NUP107: variants seen among roughly 807,000 people sequenced by gnomAD.
NUP107 encodes the protein nucleoporin 107, also known as nuclear pore complex protein Nup107.
Under a neutral mutation model 141.0 loss-of-function variants are expected in NUP107, and 101 were observed. The ratio of observed to expected loss-of-function variants is 0.72; its 90% CI spans 0.61 to 0.84. The LOEUF is 0.84. Among genes scored for constraint, NUP107 ranks in the 40% least tolerant of loss-of-function variants. The pLI is 0.00. For missense variants in NUP107, 941 were observed against 1,102.7 expected (o/e 0.85, Z 2.08); for synonymous variants, 319 against 363.9 (o/e 0.88, Z 1.41).
chr12:68,726,671 A>G lies in NUP107; in HGVS notation c.1695+54A>G, dbSNP rs1272179342. ...TCTGTAATGTTGATGCTATATACCT[A>G]TTGTCAAGAAAACACTACTTTTTTT... On this transcript the variant is annotated intron_variant, in intron 19 of 27. Transcript: ENST00000229179. 2.1e-5 allele frequency: 23 copies of G among 1,070,546 alleles called. No homozygotes were observed. The East Asian group carries it at 3.8e-4, about 18-fold the overall frequency. The allele number at this position is 1,070,546 out of a possible 1,614,324, so 66.3% of individuals were successfully genotyped here. A position where few individuals can be genotyped will look rare whatever the true frequency, so the allele number is the denominator to read the frequency against.
At chr12:68,741,421 A>G (rs1199146225) in intron 26 of NUP107, among the ~76,000 whole-genome samples, 1 of 152,158 alleles carries the variant, frequency 6.6e-6, no homozygotes, top group South Asian at 2.1e-4. Context: ...CCCTCCCCAC[A>G]TCGTCTTTTT....
intron 26 of NUP107, among the ~76,000 whole-genome samples, chr12:68,740,982 G>C (rs1878297845): frequency 6.6e-6 from 1 of 151,730 alleles, no homozygotes; most frequent in South Asian, 2.1e-4. Flanking sequence ...GGAGATCAAG[G>C]CTTCAGAGAG....
At chr12:68,733,973 T>C (rs1433556273) in intron 24 of NUP107, among the ~76,000 whole-genome samples, 2 of 152,162 alleles carry the variant, frequency 1.3e-5, no homozygotes, top group Non-Finnish European at 2.9e-5. Context: ...AGCATACTCA[T>C]TCAAAATTCA....
At chr12:68,738,048 TG>T (rs1299879176) in intron 26 of NUP107, among the ~76,000 whole-genome samples, 1 of 151,946 alleles carries the variant, frequency 6.6e-6, no homozygotes, top group Non-Finnish European at 1.5e-5. Flanking sequence ...AGGCCAAGGC[TG>T]GTGGATCAGA....
At chr12:68,707,371 G>A (rs1876641733) in intron 8 of NUP107, among the ~76,000 whole-genome samples, 1 of 152,212 alleles carries the variant, frequency 6.6e-6, no homozygotes, top group Non-Finnish European at 1.5e-5. Flanking sequence ...GGAGGTCAAG[G>A]TGGAAGGCTC....
intron 8 of NUP107, among the ~76,000 whole-genome samples, chr12:68,703,851 T>TC (rs1416153042): frequency 6.6e-6 from 1 of 152,228 alleles, no homozygotes; most frequent in Non-Finnish European, 1.5e-5. Flanking sequence ...TGTACTGTAA[T>TC]TTTTTGAGAC....
chr12:68,694,516 A>G (rs770687074), intron 5 of NUP107, among the ~76,000 whole-genome samples: 15 of 152,226 alleles, frequency 9.9e-5, no homozygotes, highest in East Asian at 1.9e-4. Context: ...TGCAAATCAT[A>G]TATCTGCTTA....
intron 15 of NUP107, among the ~76,000 whole-genome samples, 159 bp from the exon 16 acceptor site, chr12:68,721,682 T>C (rs887445072): frequency 4.6e-5 from 7 of 152,222 alleles, no homozygotes; most frequent in Middle Eastern, 3.2e-3. Flanking sequence ...GAAGATGTAG[T>C]TGGCGGAGGA....
chr12:68,719,298 G>A, intron 12 of NUP107, 43 bp from the exon 13 acceptor site: 2 of 1,443,904 alleles, frequency 1.4e-6, no homozygotes, highest in Non-Finnish European at 9.7e-7. Flanking sequence ...TTACTATAAA[G>A]CACCCTGGTT....
intron 12 of NUP107, 118 bp from the exon 13 acceptor site, chr12:68,719,223 T>G: frequency 2.8e-6 from 2 of 704,354 alleles, no homozygotes; most frequent in Non-Finnish European, 4.9e-6. Flanking sequence ...ATCCATCCCT[T>G]GTAATGGGAT....
At chr12:68,739,301 G>A (rs1426099111) in intron 26 of NUP107, among the ~76,000 whole-genome samples, 2 of 152,082 alleles carry the variant, frequency 1.3e-5, no homozygotes, top group African/African-American at 4.8e-5. Context: ...TTTGCTTTTT[G>A]TATGTCTACC....
rs373666468 is a variant in NUP107, at chr12:68,725,837, GT to G, written c.1576+58del. 4,461 of 616,620 alleles carry G rather than the reference GT, an allele frequency of 7.2e-3. 1 individual carries two copies. The highest frequency in any genetic ancestry group is 0.013 in the East Asian group (379 of 29,616). The allele number at this position is 616,620 out of a possible 1,614,324, so 38.2% of individuals were successfully genotyped here. The stretch of plus-strand genomic sequence containing the variant: ...ATTTTACTTTGTGTTTTTTGTGTGT[GT>G]TTTTTTTTTTTTTTTTGAGACAAAG... On this transcript the variant is annotated intron_variant, in intron 18 of 27. Coordinates refer to ENST00000229179, the MANE Select transcript of NUP107 (RefSeq NM_020401.4).
Position 68,722,090 on chromosome 12 carries a change from T to C in NUP107, c.1458-14T>C. ...ATTATTAACATTATTCTTTTCCCGTTGTTTCTTTTGAAGCTGGACGTTAGA... is the reference window on the plus strand; with the variant it reads ...ATTATTAACATTATTCTTTTCCCGTCGTTTCTTTTGAAGCTGGACGTTAGA... On this transcript the variant is annotated splice_polypyrimidine_tract_variant and intron_variant, in intron 16 of 27. Transcript: ENST00000229179. 1.2e-6 allele frequency: 2 copies of C among 1,612,558 alleles called. No individual in the cohort carries two copies. Among genetic ancestry groups the C allele is most frequent in the Admixed American group, 3.4e-5 (2 of 59,548 alleles).
chr12:68,729,680 T>TG (rs1412193945), intron 20 of NUP107, among the ~76,000 whole-genome samples: 28 of 151,968 alleles, frequency 1.8e-4, no homozygotes, highest in Non-Finnish European at 3.8e-4. Flanking sequence ...TGACCTCAGG[T>TG]GATCCAGCAG....
At chr12:68,711,555 A>G (rs931416062) in intron 10 of NUP107, among the ~76,000 whole-genome samples, 2 of 151,444 alleles carry the variant, frequency 1.3e-5, no homozygotes, top group Non-Finnish European at 2.9e-5. Flanking sequence ...AAAAAGGATT[A>G]GAATTAATGG....
At chr12:68,739,129 G>A (rs560709158) in intron 26 of NUP107, among the ~76,000 whole-genome samples, 3 of 152,126 alleles carry the variant, frequency 2.0e-5, no homozygotes, top group South Asian at 4.2e-4. Context: ...CTGCTCAAAT[G>A]TCATCTCTTT....
chr12:68,692,016 C>T lies in NUP107; in HGVS notation c.352C>T (p.Arg118Cys), dbSNP rs563617654. 9.4e-5 allele frequency: 151 copies of T among 1,606,916 alleles called. 1 individual carries two copies. The Admixed American group carries it at 1.7e-3, about 18-fold the overall frequency. ...CTGGGCAGCTGCATTTTCATCACAG[C>T]GTTCCGGGCTGTTCACAAACACAGA... ...SNWAAAFSSQRSGLFTNTEPH... is the reference protein window; with the variant it reads ...SNWAAAFSSQCSGLFTNTEPH... The change falls in exon 5 of 28, where the codon CGT becomes TGT. Residue 118 changes from arginine (R) to cysteine (C), a missense_variant. Arg to Cys is a radical substitution (Grantham distance 180, BLOSUM62 -3). Transcript: ENST00000229179.
At chr12:68,731,308 T>G (rs1443012853) in intron 21 of NUP107, 48 bp downstream of exon 21, 4 of 1,533,762 alleles carry the variant, frequency 2.6e-6, no homozygotes, top group Non-Finnish European at 3.5e-6. Flanking sequence ...AGGCAAATGT[T>G]CATTTTGGCT....
At chr12:68,691,301 T>G (rs1188015789) in intron 4 of NUP107, among the ~76,000 whole-genome samples, 1 of 152,186 alleles carries the variant, frequency 6.6e-6, no homozygotes, top group African/African-American at 2.4e-5. Flanking sequence ...CATGCTGTGG[T>G]TGGTTGCTGA....
Sources: gnomAD v4.1 joint callset for allele counts (sites outside exome capture counted in the v4.1 genomes callset) on GRCh38, gnomAD v4.1.1 for gene constraint, MANE v1.5 for transcripts, NCBI Gene and HGNC (gene_info 2026-07-23, HGNC 2026-07-21) for gene names.